Variants in B4GALNT3 observed in about 807,000 individuals in gnomAD.
The protein encoded by B4GALNT3 is beta-1,4-N-acetylgalactosaminyltransferase 3.
A neutral mutation model predicts 120.2 loss-of-function variants in B4GALNT3; 86 were observed. That is an observed-to-expected ratio of 0.72 (90% CI 0.60 to 0.86). The LOEUF (loss-of-function observed/expected upper bound fraction) is 0.86. Among genes scored for constraint, B4GALNT3 ranks in the 40% least tolerant of loss-of-function variants. The probability of loss-of-function intolerance (pLI) is 0.00; values close to 1 mark genes in which losing one functional copy is unlikely to be tolerated. For synonymous variants in B4GALNT3, 518 were observed against 510.4 expected, an observed-to-expected ratio of 1.01 and a Z score of -0.20; for missense variants, 1,167 against 1,298.9, an observed-to-expected ratio of 0.90 and a Z score of 1.56.
At chr12:512,599 A>C (rs1946598713) in intron 1 of B4GALNT3, among the ~76,000 whole-genome samples, 2 of 88,246 alleles carry the variant, frequency 2.3e-5, no homozygotes, top group African/African-American at 4.9e-5. Flanking sequence ...TCGAGCTTCC[A>C]CCTTCCACCT....
intron 15 of B4GALNT3, among the ~76,000 whole-genome samples, chr12:557,269 G>A (rs1947168220): frequency 6.6e-6 from 1 of 152,150 alleles, no homozygotes. Context: ...GGATGATGGG[G>A]ATAGGACGAC....
chr12:473,406 C>T (rs112231109), intron 1 of B4GALNT3, among the ~76,000 whole-genome samples: 3 of 152,082 alleles, frequency 2.0e-5, no homozygotes, highest in East Asian at 1.9e-4. Context: ...AGCGCCTAGC[C>T]GGAAGGAGTG....
At chr12:494,678 A>G (rs747413328) in intron 1 of B4GALNT3, among the ~76,000 whole-genome samples, 20 of 152,168 alleles carry the variant, frequency 1.3e-4, no homozygotes, top group Non-Finnish European at 2.6e-4. Flanking sequence ...ACATTGGAAC[A>G]GGAGTGTAGG....
In B4GALNT3 at chr12:556,743, C is replaced by A. The variant is rs1236004459; in HGVS notation, c.2257C>A (p.Leu753Met). The part of the protein sequence containing the change: ...EEVEARNLQG[L>M]VWDPHNRRRQ... Reference sequence around the variant, plus strand: ...GGTCGAGGCCCGGAACCTGCAAGGCCTGGTCTGGGACCCACACAACCGTAG... The same window carrying A: ...GGTCGAGGCCCGGAACCTGCAAGGCATGGTCTGGGACCCACACAACCGTAG... The change falls in exon 15 of 20, where the codon CTG becomes ATG. Residue 753 changes from leucine (L) to methionine (M), a missense_variant. Leu to Met is a conservative substitution (Grantham distance 15). Around this residue, in one of 3 missense-constraint regions of B4GALNT3, gnomAD observed 983 missense variants for 1,102.5 expected, o/e 0.89. Coordinates refer to ENST00000266383, the MANE Select transcript of B4GALNT3 (RefSeq NM_173593.4). 1.1e-5 allele frequency: 17 copies of A among 1,612,684 alleles called. No homozygotes were observed. Among genetic ancestry groups the A allele is most frequent in the Middle Eastern group, 1.6e-4 (1 of 6,078 alleles).
At position 561,502 on chromosome 12, in the gene B4GALNT3, C is replaced by A; in HGVS notation, c.*51C>A. 1 of 1,408,380 alleles carries A rather than the reference C, an allele frequency of 7.1e-7. No homozygotes were observed. The highest frequency in any genetic ancestry group is 9.9e-7 in the Non-Finnish European group (1 of 1,012,990). 87.2% of individuals were successfully genotyped at this position (1,408,380 alleles called of 1,614,324 possible). On this transcript the variant is annotated 3_prime_UTR_variant, in exon 20 of 20. Transcript: ENST00000266383. ...ACTCCCCGCTCTGGACTAGCAGTGG[C>A]TCCCCAGGGCCCTGCTACTGTTCAG...
At chr12:486,205 C>CTTTTTTTTTTTTTT (rs59345776) in intron 1 of B4GALNT3, among the ~76,000 whole-genome samples, 1 of 97,990 alleles carries the variant, frequency 1.0e-5, no homozygotes, top group Non-Finnish European at 2.0e-5. Flanking sequence ...CCAAAATATT[C>CTTTTTTTTTTTTTT]TTTTTTTTTT....
intron 1 of B4GALNT3, among the ~76,000 whole-genome samples, chr12:495,734 G>A (rs1946382224): frequency 6.6e-6 from 1 of 152,098 alleles, no homozygotes; most frequent in Non-Finnish European, 1.5e-5. Flanking sequence ...TGGGCTCAGG[G>A]GTAAGTCTGG....
intron 12 of B4GALNT3, 129 bp downstream of exon 12, chr12:552,292 TACACACACACACACACACACAC>T (rs10604398): frequency 5.4e-5 from 34 of 627,208 alleles, no homozygotes; most frequent in East Asian, 4.3e-4. Flanking sequence ...TCCTGAGTAC[TACACACACACACACACACACAC>T]ACACACACAC....
At chr12:537,651 A>ATTTCCGAG (rs1435654574) in intron 3 of B4GALNT3, among the ~76,000 whole-genome samples, 10 of 152,224 alleles carry the variant, frequency 6.6e-5, no homozygotes, top group Admixed American at 6.5e-4. Flanking sequence ...TTATGTCAAG[A>ATTTCCGAG]TTTCCGAGTA....
In B4GALNT3 at chr12:536,310, A is replaced by G. The variant is rs980288663; in HGVS notation, c.351+15A>G. 5.0e-6 allele frequency: 8 copies of G among 1,594,020 alleles called. No individual in the cohort carries two copies. The highest frequency in any genetic ancestry group is 1.3e-5 in the African/African-American group (1 of 74,444). On this transcript the variant is annotated intron_variant, in intron 3 of 19. Coordinates refer to ENST00000266383, the MANE Select transcript of B4GALNT3 (RefSeq NM_173593.4). ...GGCTCTCAGAGGTGAGGGACTTTCT[A>G]TTGTACCTGCCCTTTGAGAGAGCTA...
intron 5 of B4GALNT3, 112 bp from the exon 6 acceptor site, chr12:545,257 C>T (rs1946978686): frequency 6.7e-7 from 1 of 1,483,078 alleles, no homozygotes; most frequent in Non-Finnish European, 9.0e-7. Flanking sequence ...GAGAGGGAAG[C>T]CACAGCATCA....
chr12:460,409 G>T lies in B4GALNT3; in HGVS notation c.33G>T (p.Leu11=). 1.3e-6 allele frequency: 2 copies of T among 1,517,494 alleles called. No homozygotes were observed. Among genetic ancestry groups the T allele is most frequent in the Non-Finnish European group, 1.8e-6 (2 of 1,135,386 alleles). 94.0% of individuals were successfully genotyped at this position (1,517,494 alleles called of 1,614,324 possible). MGSPRAARPP[L]LLRPVKLLRR... ...GCCCCCGGGCCGCGCGGCCCCCGCT[G>T]CTCCTGCGCCCGGTGAAGCTGCTGC... is the stretch of plus-strand genomic sequence containing the variant. The change falls in exon 1 of 20, where the codon CTG becomes CTT. Residue 11 remains leucine, a synonymous_variant. Coordinates refer to ENST00000266383, the MANE Select transcript of B4GALNT3 (RefSeq NM_173593.4). The surrounding 1 kb of genome is among the most constrained non-coding windows in gnomAD (Gnocchi z 8.0).
chr12:479,884 A>G (rs113291947), intron 1 of B4GALNT3, among the ~76,000 whole-genome samples: 4,219 of 115,300 alleles, frequency 0.037, 176 homozygotes, highest in South Asian at 0.15. Context: ...GAACTGACCA[A>G]TTAAAAAAAA....
chr12:545,014 A>G (rs1462846948), intron 5 of B4GALNT3, 42 bp downstream of exon 5: 1 of 1,602,220 alleles, frequency 6.2e-7, no homozygotes, highest in Non-Finnish European at 8.5e-7. Context: ...CCTGCTCTAG[A>G]GTTCTGCATC....
intron 4 of B4GALNT3, 61 bp downstream of exon 4, chr12:544,495 T>C: frequency 7.1e-7 from 1 of 1,415,550 alleles, no homozygotes. Context: ...TGCCCACTTC[T>C]GTCTCTCATC....
At chr12:537,605 T>C (rs1341519577) in intron 3 of B4GALNT3, among the ~76,000 whole-genome samples, 1 of 152,244 alleles carries the variant, frequency 6.6e-6, no homozygotes, top group Non-Finnish European at 1.5e-5. Flanking sequence ...AGGAAGTTAA[T>C]TAACATACAC....
At chr12:556,984 T>C (rs1947163908) in intron 15 of B4GALNT3, 118 bp downstream of exon 15, 5 of 1,080,880 alleles carry the variant, frequency 4.6e-6, no homozygotes, top group East Asian at 2.6e-5. Context: ...GACCACCTTA[T>C]AGTTGAGGAA....
At chr12:493,280 G>T (rs1946360172) in intron 1 of B4GALNT3, among the ~76,000 whole-genome samples, 1 of 152,166 alleles carries the variant, frequency 6.6e-6, no homozygotes, top group South Asian at 2.1e-4. Flanking sequence ...CAGTACCAAA[G>T]AAGATATAAA....
In B4GALNT3 at chr12:559,581, G is replaced by A. The variant is rs73594204; in HGVS notation, c.2888+160G>A. Among the ~76,000 whole-genome samples, 864 of 152,216 alleles carry A rather than the reference G, an allele frequency of 5.7e-3. 9 individuals carry two copies. Among genetic ancestry groups the A allele is most frequent in the African/African-American group, 0.019 (793 of 41,520 alleles). ...AGGACGCCCTCAAATCACCGGCCTC[G>A]CTGGGACTCAGTTTCTCTATTAGAG... On this transcript the variant is annotated intron_variant, in intron 19 of 19. Coordinates refer to ENST00000266383, the MANE Select transcript of B4GALNT3 (RefSeq NM_173593.4).
Sources: allele counts gnomAD v4.1 joint callset (sites outside exome capture counted in the v4.1 genomes callset), GRCh38; gene constraint gnomAD v4.1.1; regional missense constraint gnomAD v4.1.1; non-coding constraint Gnocchi (gnomAD v3.1); transcripts MANE v1.5; gene names NCBI Gene and HGNC (gene_info 2026-07-23, HGNC 2026-07-21).